Variants in RSRC1 observed in about 807,000 individuals in gnomAD.
The protein encoded by RSRC1 is serine/Arginine-related protein 53.
In RSRC1, 39 loss-of-function variants were observed where a neutral mutation model predicts 49.1. That is an observed-to-expected ratio of 0.79 (90% CI 0.61 to 1.04). The LOEUF (loss-of-function observed/expected upper bound fraction) is 1.04, where lower values mean the gene tolerates loss of function less well. Among genes scored for constraint, RSRC1 ranks in the 50% least tolerant of loss-of-function variants. The pLI is 0.00. For synonymous variants in RSRC1, 143 were observed against 130.8 expected (o/e 1.09, Z -0.63); for missense variants, 388 against 402.4 (o/e 0.96, Z 0.31).
At chr3:158,534,668 G>T (rs568813171) in intron 7 of RSRC1, among the ~76,000 whole-genome samples, 1 of 151,606 alleles carries the variant, frequency 6.6e-6, no homozygotes, top group East Asian at 1.9e-4. Flanking sequence ...ATTTATTAAA[G>T]CTGTAACTGT....
intron 6 of RSRC1, among the ~76,000 whole-genome samples, chr3:158,431,394 CT>C (rs936853368): frequency 6.6e-6 from 1 of 151,646 alleles, no homozygotes; most frequent in Admixed American, 6.6e-5. Context: ...CCCAGATTTT[CT>C]TTTTTTGAAA....
Position 158,481,163 on chromosome 3 carries a change from A to G in RSRC1, c.652+20160A>G, listed in dbSNP as rs561039096. Among the ~76,000 whole-genome samples, 378 of 152,098 alleles carry G rather than the reference A, an allele frequency of 2.5e-3. 1 individual carries two copies. The highest frequency in any genetic ancestry group is 8.8e-3 in the African/African-American group (365 of 41,524). On this transcript the variant is annotated intron_variant, in intron 7 of 9. Coordinates refer to ENST00000611884, the MANE Select transcript of RSRC1 (RefSeq NM_001271838.2). The stretch of plus-strand genomic sequence containing the variant: ...ATTGTCATGTGACTCAGCCCCAGAA[A>G]CCAATTTCCTTAATTGGCATAGATT...
intron 6 of RSRC1, among the ~76,000 whole-genome samples, chr3:158,448,170 G>A (rs544468035): frequency 2.0e-5 from 3 of 151,924 alleles, no homozygotes; most frequent in Non-Finnish European, 2.9e-5. Flanking sequence ...GCTGTAAGTC[G>A]AAGGAACACA....
intron 3 of RSRC1, among the ~76,000 whole-genome samples, chr3:158,198,979 T>A (rs1720848744): frequency 6.6e-6 from 1 of 152,226 alleles, no homozygotes; most frequent in Admixed American, 6.5e-5. Context: ...GGTTTGGCTC[T>A]GTGTCCCCAC....
chr3:158,118,043 G>A (rs1714959336), intron 1 of RSRC1, among the ~76,000 whole-genome samples: 1 of 151,936 alleles, frequency 6.6e-6, no homozygotes, highest in Non-Finnish European at 1.5e-5. Context: ...TCGCCCACTT[G>A]GGCTCCGGTG....
At chr3:158,509,527 A>C (rs952381309) in intron 7 of RSRC1, among the ~76,000 whole-genome samples, 6 of 152,254 alleles carry the variant, frequency 3.9e-5, no homozygotes, top group Admixed American at 2.0e-4. Context: ...TTATATTTCT[A>C]ATTTTACAAA....
At chr3:158,487,532 G>A (rs1020865781) in intron 7 of RSRC1, among the ~76,000 whole-genome samples, 1 of 152,078 alleles carries the variant, frequency 6.6e-6, no homozygotes, top group Admixed American at 6.5e-5. Flanking sequence ...CCACATGAAA[G>A]GTCAACTAAG....
intron 3 of RSRC1, among the ~76,000 whole-genome samples, chr3:158,194,276 A>G (rs546982767): frequency 3.3e-5 from 5 of 151,970 alleles, no homozygotes; most frequent in African/African-American, 1.2e-4. Context: ...CCTATCTCAA[A>G]TAAATAAATA....
intron 7 of RSRC1, among the ~76,000 whole-genome samples, chr3:158,519,901 ATGT>A (rs1711563335): frequency 6.6e-6 from 1 of 152,148 alleles, no homozygotes; most frequent in Non-Finnish European, 1.5e-5. Context: ...GAGTACTCTA[ATGT>A]TAGAGGTGCC....
chr3:158,119,538 G>C (rs1247692034), intron 1 of RSRC1, among the ~76,000 whole-genome samples: 2 of 152,008 alleles, frequency 1.3e-5, no homozygotes, highest in African/African-American at 4.8e-5. Flanking sequence ...GTAAAAACAA[G>C]AAAGGAATTA....
chr3:158,198,249 C>G (rs1293712919), intron 3 of RSRC1, among the ~76,000 whole-genome samples: 2 of 152,214 alleles, frequency 1.3e-5, no homozygotes, highest in East Asian at 3.9e-4. Context: ...TATGTAATGG[C>G]CTTCTTGGTC....
intron 4 of RSRC1, among the ~76,000 whole-genome samples, chr3:158,287,304 A>G (rs1462579915): frequency 6.6e-6 from 1 of 152,208 alleles, no homozygotes; most frequent in Non-Finnish European, 1.5e-5. Flanking sequence ...TAGATTATTT[A>G]TAATTGTAAT....
At chr3:158,219,618 G>A (rs1178876159) in intron 4 of RSRC1, among the ~76,000 whole-genome samples, 3 of 151,588 alleles carry the variant, frequency 2.0e-5, no homozygotes, top group Non-Finnish European at 4.4e-5. Flanking sequence ...TATAAGAGGA[G>A]GTGCCACAGG....
intron 6 of RSRC1, among the ~76,000 whole-genome samples, chr3:158,364,218 G>A (rs536220097): frequency 4.6e-5 from 7 of 151,986 alleles, no homozygotes; most frequent in Non-Finnish European, 1.0e-4. Context: ...CTGTTTCCGG[G>A]GAGCATAGAA....
chr3:158,265,933 C>T (rs1426675763), intron 4 of RSRC1, among the ~76,000 whole-genome samples: 1 of 152,052 alleles, frequency 6.6e-6, no homozygotes, highest in East Asian at 1.9e-4. Context: ...TTCAGTGCCA[C>T]CTTTAAAACA....
chr3:158,328,798 GGA>G (rs1729355379), intron 5 of RSRC1, among the ~76,000 whole-genome samples: 1 of 152,074 alleles, frequency 6.6e-6, no homozygotes, highest in Non-Finnish European at 1.5e-5. Context: ...TGCTAGGGTG[GGA>G]AAGTTCTCCT....
rs554471924 is a variant in RSRC1 at position 158,198,567 on chromosome 3, G to C, written c.321-4505G>C. 2.0e-5 allele frequency among the ~76,000 whole-genome samples: 3 copies of C among 152,244 alleles called. No homozygotes were observed. The South Asian group carries it at 6.2e-4, about 32-fold the overall frequency. ...CTGGTTATTTTGCTCGTTAGTTGAT[G>C]CATTTTCTTCCTAGCCTCGACGGTC... is the stretch of plus-strand genomic sequence containing the variant. On this transcript the variant is annotated intron_variant, in intron 3 of 9. Coordinates refer to ENST00000611884, the MANE Select transcript of RSRC1 (RefSeq NM_001271838.2).
chr3:158,395,776 C>T (rs1031016268), intron 6 of RSRC1, among the ~76,000 whole-genome samples: 5 of 152,124 alleles, frequency 3.3e-5, no homozygotes, highest in South Asian at 2.1e-4. Context: ...GGTGATTTCT[C>T]AAGGAACTTA....
intron 1 of RSRC1, among the ~76,000 whole-genome samples, chr3:158,113,150 A>G (rs952139780): frequency 5.9e-5 from 9 of 152,232 alleles, no homozygotes; most frequent in Admixed American, 5.2e-4. Flanking sequence ...ATTCCTTTGG[A>G]TATATACCCA....
Sources: allele counts gnomAD v4.1 joint callset (sites outside exome capture counted in the v4.1 genomes callset), GRCh38; gene constraint gnomAD v4.1.1; transcripts MANE v1.5; gene names NCBI Gene and HGNC (gene_info 2026-07-23, HGNC 2026-07-21).